GABRB3: variants seen among roughly 807,000 people sequenced by gnomAD.
GABRB3 encodes gamma-aminobutyric acid receptor subunit beta-3.
In GABRB3, 14 loss-of-function variants were observed where a neutral mutation model predicts 52.1. The observed-to-expected ratio is 0.27, with a 90% CI of 0.18 to 0.42. GABRB3 has a LOEUF of 0.42. GABRB3 is among the 10% of genes least tolerant of loss of function. The pLI, the probability that GABRB3 is intolerant of heterozygous loss-of-function variation, is 1.00. For synonymous variants in GABRB3, 260 were observed against 232.3 expected, an observed-to-expected ratio of 1.12 and a Z score of -1.08; for missense variants, 307 against 609.1, an observed-to-expected ratio of 0.50 and a Z score of 5.22.
intron 3 of GABRB3, among the ~76,000 whole-genome samples, chr15:26,698,431 A>G (rs1595536864): frequency 6.6e-6 from 1 of 152,206 alleles, no homozygotes; most frequent in East Asian, 1.9e-4. Context: ...TTGTGACCAC[A>G]CTCAGGGAAT....
intron 3 of GABRB3, among the ~76,000 whole-genome samples, chr15:26,646,976 T>C (rs1481438503): frequency 6.6e-6 from 1 of 152,140 alleles, no homozygotes; most frequent in Non-Finnish European, 1.5e-5. Flanking sequence ...CCCGAGTAGC[T>C]GGGACTACAG....
At chr15:26,647,529 T>C (rs1863459) in intron 3 of GABRB3, among the ~76,000 whole-genome samples, 37,727 of 152,142 alleles carry the variant, frequency 0.25, 5,934 homozygotes, top group East Asian at 0.82. Context: ...TTTGTTTCTT[T>C]GTGCAGATCA....
In GABRB3 at chr15:26,544,738, T is replaced by C. The variant is rs551991431; in HGVS notation, c.*3055A>G. The C allele has an allele frequency of 7.2e-5, 11 of 152,500 alleles. No individual in the cohort carries two copies. The highest frequency in any genetic ancestry group is 2.6e-4 in the African/African-American group (11 of 41,584). 9.4% of individuals were successfully genotyped at this position (152,500 alleles called of 1,614,324 possible). A position where few individuals can be genotyped will look rare whatever the true frequency, so the allele number is the denominator to read the frequency against. ...AAACTGTCATAACAAGATTCTTCTG[T>C]AGATCTTGAGCCCCTGTGGCGCATT... On this transcript the variant is annotated 3_prime_UTR_variant, in exon 9 of 9. Coordinates refer to ENST00000311550, the MANE Select transcript of GABRB3 (RefSeq NM_000814.6).
intron 3 of GABRB3, among the ~76,000 whole-genome samples, chr15:26,752,900 T>C (rs745764931): frequency 1.3e-5 from 2 of 152,160 alleles, no homozygotes; most frequent in Non-Finnish European, 2.9e-5. Context: ...GGGCAATGCT[T>C]TCCTTGAAGA....
At chr15:26,683,633 T>C (rs555995717) in intron 3 of GABRB3, among the ~76,000 whole-genome samples, 1 of 152,314 alleles carries the variant, frequency 6.6e-6, no homozygotes, top group Admixed American at 6.5e-5. Context: ...CTCCTGGAAC[T>C]GGAAGACAGG....
chr15:26,638,790 C>A (rs1231453407), intron 3 of GABRB3, among the ~76,000 whole-genome samples: 1 of 152,016 alleles, frequency 6.6e-6, no homozygotes, highest in Non-Finnish European at 1.5e-5. Context: ...TGATTTAAAC[C>A]TTTCAACTTC....
chr15:26,554,207 A>ATTTATTTATT (rs1555400879), intron 8 of GABRB3, among the ~76,000 whole-genome samples: 23 of 57,806 alleles, frequency 4.0e-4, no homozygotes, highest in Non-Finnish European at 7.5e-4. Context: ...ATATATATAT[A>ATTTATTTATT]TAGTAGAAAC....
At chr15:26,697,043 C>G (rs1296097900) in intron 3 of GABRB3, among the ~76,000 whole-genome samples, 1 of 152,154 alleles carries the variant, frequency 6.6e-6, no homozygotes. Flanking sequence ...ATATCCAAAC[C>G]CACAGAGTTG....
At chr15:26,733,211 C>A (rs970808789) in intron 3 of GABRB3, among the ~76,000 whole-genome samples, 17 of 152,084 alleles carry the variant, frequency 1.1e-4, no homozygotes, top group African/African-American at 3.6e-4. Context: ...AAGTAAAATT[C>A]TCTCCCTTTA....
At chr15:26,752,420 C>A (rs192050547) in intron 3 of GABRB3, among the ~76,000 whole-genome samples, 311 of 152,052 alleles carry the variant, frequency 2.0e-3, no homozygotes, top group Admixed American at 0.01. Flanking sequence ...CTCACCACCA[C>A]ACCCAGCTAA....
intron 3 of GABRB3, among the ~76,000 whole-genome samples, chr15:26,653,841 T>C (rs1392929543): frequency 1.3e-5 from 2 of 152,248 alleles, no homozygotes; most frequent in South Asian, 2.1e-4. Flanking sequence ...AGGAAGCATG[T>C]AGAAACTGAG....
chr15:26,565,327 A>G (rs1182087458), intron 7 of GABRB3, among the ~76,000 whole-genome samples: 1 of 152,164 alleles, frequency 6.6e-6, no homozygotes, highest in Non-Finnish European at 1.5e-5. Context: ...GGTGTCAGTC[A>G]TACTCTGAGA....
intron 4 of GABRB3, chr15:26,613,684 T>C (rs1446777971): frequency 6.6e-6 from 1 of 152,186 alleles, no homozygotes; most frequent in Non-Finnish European, 1.5e-5. Flanking sequence ...AAAGAGTTTA[T>C]ATTCTCATAG....
chr15:26,702,213 A>C (rs931608126), intron 3 of GABRB3, among the ~76,000 whole-genome samples: 2 of 152,004 alleles, frequency 1.3e-5, no homozygotes, highest in African/African-American at 2.4e-5. Flanking sequence ...TACCAAAAGC[A>C]CAATTTGTAA....
At chr15:26,747,353 C>T (rs1595341511) in intron 3 of GABRB3, among the ~76,000 whole-genome samples, 1 of 152,228 alleles carries the variant, frequency 6.6e-6, no homozygotes, top group South Asian at 2.1e-4. Flanking sequence ...TCTTCCAATT[C>T]ATGAAAACGG....
chr15:26,627,031 A>T (rs1224580720), intron 3 of GABRB3, among the ~76,000 whole-genome samples: 2 of 152,156 alleles, frequency 1.3e-5, no homozygotes, highest in Admixed American at 6.5e-5. Context: ...CTAGGGGCTA[A>T]TTGCAGCTGC....
At chr15:26,609,976 CTTT>C (rs1555370847) in intron 4 of GABRB3, among the ~76,000 whole-genome samples, 5 of 152,102 alleles carry the variant, frequency 3.3e-5, no homozygotes, top group Non-Finnish European at 2.9e-5. Flanking sequence ...TACTTGAGTT[CTTT>C]TCTCTGGAAA....
At chr15:26,714,207 C>A (rs984832991) in intron 3 of GABRB3, among the ~76,000 whole-genome samples, 4 of 152,192 alleles carry the variant, frequency 2.6e-5, no homozygotes, top group Non-Finnish European at 4.4e-5. Flanking sequence ...AGTGTCCCTG[C>A]ATTGGGGTCG....
chr15:26,711,399 AT>A (rs1469078353), intron 3 of GABRB3, among the ~76,000 whole-genome samples: 6 of 152,160 alleles, frequency 3.9e-5, no homozygotes, highest in African/African-American at 1.2e-4. Context: ...TTGGATGATA[AT>A]TTGTGGATCT....
Sources: allele counts gnomAD v4.1 joint callset (sites outside exome capture counted in the v4.1 genomes callset), GRCh38; gene constraint gnomAD v4.1.1; transcripts MANE v1.5; gene names NCBI Gene and HGNC (gene_info 2026-07-23, HGNC 2026-07-21).